Variants in EFCAB8 observed in about 807,000 individuals in gnomAD.
EFCAB8 encodes EF-hand calcium binding domain 8.
Under a neutral mutation model 116.3 loss-of-function variants are expected in EFCAB8, and 100 were observed. The ratio of observed to expected loss-of-function variants is 0.86; its 90% CI spans 0.73 to 1.02. EFCAB8 has a LOEUF of 1.02. Ranked by LOEUF, EFCAB8 falls within the 50% of genes least tolerant of loss-of-function variation. The pLI is 0.00. For synonymous variants in EFCAB8, 558 were observed against 567.9 expected, an observed-to-expected ratio of 0.98 and a Z score of 0.25; for missense variants, 1,320 against 1,416.9, an observed-to-expected ratio of 0.93 and a Z score of 1.10.
chr20:32,871,915 G>A (rs17123741), intron 3 of EFCAB8, among the ~76,000 whole-genome samples: 3,912 of 152,158 alleles, frequency 0.026, 83 homozygotes, highest in South Asian at 0.054. Context: ...GGTTTTGAAA[G>A]CACACAAAGG....
intron 23 of EFCAB8, among the ~76,000 whole-genome samples, chr20:32,954,734 A>T (rs1040731731): frequency 2.0e-5 from 3 of 151,938 alleles, no homozygotes; most frequent in African/African-American, 7.3e-5. Context: ...CAAGAGAGTT[A>T]AAAAAAATCA....
chr20:32,906,976 C>G lies in EFCAB8; in HGVS notation c.1290C>G (p.Ile430Met). ...LVDSRNNSIL[I>M]SVSKDKNIRV... ...ATAGCAGGAACAACAGCATCCTCAT[C>G]AGTGTCTCCAAGGACAAGGTCCGCC... Residue 430 changes from isoleucine (I) to methionine (M), a missense_variant, in exon 13 of 27, where the codon ATC (isoleucine) becomes ATG (methionine). Ile to Met is a conservative substitution (Grantham distance 10). Coordinates refer to ENST00000400522, the MANE Select transcript of EFCAB8 (RefSeq NM_001143967.2). The G allele has an allele frequency of 6.5e-7, 1 of 1,527,212 alleles. No individual in the cohort carries two copies. Among genetic ancestry groups the G allele is most frequent in the Non-Finnish European group, 8.8e-7 (1 of 1,133,812 alleles). 94.6% of individuals were successfully genotyped at this position (1,527,212 alleles called of 1,614,324 possible). A position where few individuals can be genotyped will look rare whatever the true frequency, so the allele number is the denominator to read the frequency against.
intron 6 of EFCAB8, 22 bp downstream of exon 6, chr20:32,885,662 G>T: frequency 6.4e-7 from 1 of 1,551,420 alleles, no homozygotes. Flanking sequence ...CCCTACACAT[G>T]GTGCACACAT....
Position 32,867,842 on chromosome 20 carries a change from A to AT in EFCAB8, c.208+105dup, listed in dbSNP as rs540938645. 7,471 of 1,196,330 alleles carry AT rather than the reference A, an allele frequency of 6.2e-3. 2 individuals are homozygous for AT. The highest frequency in any genetic ancestry group is 6.9e-3 in the African/African-American group (434 of 63,052). 74.1% of individuals were successfully genotyped at this position (1,196,330 alleles called of 1,614,324 possible). A position where few individuals can be genotyped will look rare whatever the true frequency, so the allele number is the denominator to read the frequency against. On this transcript the variant is annotated intron_variant, in intron 3 of 26. Transcript: ENST00000400522. The stretch of plus-strand genomic sequence containing the variant: ...TGTGGAGGGTTCAGACATAATAAGC[A>AT]TTTTTTTTTTGTTTTTGAGACAGGA...
At chr20:32,885,140 CT>C (rs1470573628) in intron 5 of EFCAB8, among the ~76,000 whole-genome samples, 4 of 28,464 alleles carry the variant, frequency 1.4e-4, no homozygotes, top group Non-Finnish European at 6.4e-4. Context: ...TCACCCTCTC[CT>C]GGGCAGTTTT....
intron 9 of EFCAB8, among the ~76,000 whole-genome samples, chr20:32,895,575 C>CTTT (rs35301817): frequency 8.0e-6 from 1 of 125,138 alleles, no homozygotes; most frequent in African/African-American, 3.1e-5. Context: ...TTCTTTCTTT[C>CTTT]TTTTTTTTTT....
rs186828263 is a variant in EFCAB8, at chr20:32,961,580, G to A, written c.3838G>A (p.Val1280Met). 3.7e-4 allele frequency: 509 copies of A among 1,358,500 alleles called. 4 individuals carry two copies. The Middle Eastern group carries it at 7.2e-3, about 19-fold the overall frequency. 84.2% of individuals were successfully genotyped at this position (1,358,500 alleles called of 1,614,324 possible). The change falls in exon 27 of 27, where the codon GTG (valine) becomes ATG (methionine). Residue 1280 changes from valine (V) to methionine (M), a missense_variant. By Grantham distance (21) the Val-to-Met change is conservative. Transcript: ENST00000400522. ...RPLKATFMSS[V>M]KGSSHVRF The stretch of plus-strand genomic sequence containing the variant: ...TCTGAAGGCCACCTTCATGTCCTCT[G>A]TGAAGGGGAGCTCCCATGTCAGGTT...
At chr20:32,925,488 G>A (rs1031958808) in intron 20 of EFCAB8, among the ~76,000 whole-genome samples, 1 of 152,246 alleles carries the variant, frequency 6.6e-6, no homozygotes, top group Admixed American at 6.5e-5. Flanking sequence ...CAAAGTGCTG[G>A]CATTACAGGC....
chr20:32,896,556 C>CAGAT (rs1568916221), intron 10 of EFCAB8, 29 bp downstream of exon 10: 10 of 718,054 alleles, frequency 1.4e-5, no homozygotes, highest in Non-Finnish European at 2.6e-5. Context: ...TGGCCTGTTA[C>CAGAT]AATGGTAATT....
intron 15 of EFCAB8, among the ~76,000 whole-genome samples, chr20:32,910,194 C>A (rs1362969933): frequency 6.6e-6 from 1 of 152,182 alleles, no homozygotes; most frequent in Non-Finnish European, 1.5e-5. Context: ...TGGCTGAGCG[C>A]CTTGGGTCAG....
At chr20:32,954,167 C>T (rs962403799) in intron 23 of EFCAB8, among the ~76,000 whole-genome samples, 3 of 152,086 alleles carry the variant, frequency 2.0e-5, no homozygotes, top group Non-Finnish European at 4.4e-5. Flanking sequence ...CTTTCATTGC[C>T]TGTTTTTTTA....
intron 3 of EFCAB8, among the ~76,000 whole-genome samples, chr20:32,870,148 T>G (rs1160231058): frequency 6.6e-6 from 1 of 152,182 alleles, no homozygotes; most frequent in Non-Finnish European, 1.5e-5. Flanking sequence ...AATCTCCAGT[T>G]TACGAACGAG....
At chr20:32,912,430 C>CAA (rs762528188) in intron 16 of EFCAB8, among the ~76,000 whole-genome samples, 100 of 81,608 alleles carry the variant, frequency 1.2e-3, no homozygotes, top group African/African-American at 1.9e-3. Flanking sequence ...GAAACTCTGT[C>CAA]AAAAAAAAAA....
chr20:32,885,803 C>T (rs1442225435), intron 6 of EFCAB8, among the ~76,000 whole-genome samples, 163 bp downstream of exon 6: 1 of 152,168 alleles, frequency 6.6e-6, no homozygotes, highest in African/African-American at 2.4e-5. Context: ...ACTGTGGGAG[C>T]CACACATTTC....
intron 2 of EFCAB8, among the ~76,000 whole-genome samples, chr20:32,866,183 T>G (rs1203429889): frequency 2.7e-4 from 41 of 152,174 alleles, no homozygotes; most frequent in Non-Finnish European, 1.5e-5. Context: ...TCAGTCAATG[T>G]GTGTAGACGC....
chr20:32,953,807 TTTTG>T (rs745634578), intron 23 of EFCAB8, among the ~76,000 whole-genome samples: 41 of 152,214 alleles, frequency 2.7e-4, no homozygotes, highest in Middle Eastern at 6.8e-3. Context: ...TGATTGTGGT[TTTTG>T]TTTGTTTGTT....
intron 9 of EFCAB8, 82 bp downstream of exon 9, chr20:32,893,380 C>T: frequency 6.6e-7 from 1 of 1,520,528 alleles, no homozygotes; most frequent in Non-Finnish European, 8.9e-7. Context: ...TCCCCGAGCC[C>T]CCCACTCCCT....
chr20:32,917,712 G>GA (rs1031040259), intron 18 of EFCAB8, among the ~76,000 whole-genome samples: 10 of 152,188 alleles, frequency 6.6e-5, no homozygotes, highest in African/African-American at 2.2e-4. Context: ...ACACGGAGAT[G>GA]AAGCACCTTG....
intron 23 of EFCAB8, among the ~76,000 whole-genome samples, chr20:32,944,645 G>A (rs576385299): frequency 6.6e-6 from 1 of 152,136 alleles, no homozygotes; most frequent in Non-Finnish European, 1.5e-5. Context: ...TTCTTTAAAG[G>A]CAGGTCTAAT....
Sources: allele counts gnomAD v4.1 joint callset (sites outside exome capture counted in the v4.1 genomes callset), GRCh38; gene constraint gnomAD v4.1.1; transcripts MANE v1.5; gene names NCBI Gene and HGNC (gene_info 2026-07-23, HGNC 2026-07-21).